The following KIDINS220 variants were observed in gnomAD, a reference collection of about 807,000 sequenced individuals.
KIDINS220 encodes kinase D interacting substrate 220.
Under a neutral mutation model 157.6 loss-of-function variants are expected in KIDINS220, and 63 were observed. The observed-to-expected ratio is 0.40, with a 90% CI of 0.33 to 0.49. KIDINS220 has a LOEUF of 0.49. Ranked by LOEUF, KIDINS220 falls within the 20% of genes least tolerant of loss-of-function variation. KIDINS220 has a pLI of 0.66. For missense variants in KIDINS220, 1,772 were observed against 2,171.2 expected (o/e 0.82, Z 3.65); for synonymous variants, 732 against 783.6 (o/e 0.93, Z 1.10).
rs1267724049 is a variant in KIDINS220 at position 8,827,129 on chromosome 2, C to T, written c.-36G>A. ...AGCTGCAATTAACTTTATTTGAATA[C>T]CTGTTAAATTAGACAAAATACACAT... On this transcript the variant is annotated splice_region_variant and 5_prime_UTR_variant, in exon 2 of 30. Coordinates refer to ENST00000256707, the MANE Select transcript of KIDINS220 (RefSeq NM_020738.4). 8.7e-7 allele frequency: 1 copy of T among 1,150,270 alleles called. No homozygotes were observed. The highest frequency in any genetic ancestry group is 1.3e-6 in the Non-Finnish European group (1 of 782,496). 71.3% of individuals were successfully genotyped at this position (1,150,270 alleles called of 1,614,324 possible).
intron 4 of KIDINS220, among the ~76,000 whole-genome samples, chr2:8,815,355 C>T (rs1271450828): frequency 2.0e-5 from 3 of 147,982 alleles, no homozygotes; most frequent in South Asian, 2.1e-4. Context: ...GAGCTGAGAT[C>T]GTGCCATTGC....
intron 2 of KIDINS220, among the ~76,000 whole-genome samples, chr2:8,823,120 G>A (rs1239608562): frequency 6.6e-6 from 1 of 151,940 alleles, no homozygotes; most frequent in Non-Finnish European, 1.5e-5. Flanking sequence ...GGTCTAAAAG[G>A]TGCCACACCT....
chr2:8,836,792 A>G (rs181788489), intron 1 of KIDINS220, among the ~76,000 whole-genome samples: 1 of 152,366 alleles, frequency 6.6e-6, no homozygotes, highest in East Asian at 1.9e-4. Flanking sequence ...TAAAACGCTA[A>G]GAAATCTACA....
intron 1 of KIDINS220, among the ~76,000 whole-genome samples, chr2:8,830,750 C>T (rs1056515975): frequency 6.6e-6 from 1 of 152,126 alleles, no homozygotes; most frequent in African/African-American, 2.4e-5. Flanking sequence ...CCAGAGAAAG[C>T]AGGCTATTCT....
At chr2:8,799,273 ATT>A (rs57115595) in intron 9 of KIDINS220, among the ~76,000 whole-genome samples, 56 of 146,666 alleles carry the variant, frequency 3.8e-4, no homozygotes, top group East Asian at 4.0e-4. Flanking sequence ...TTCCTTTTCT[ATT>A]TTTTTTTTTT....
chr2:8,765,761 A>C (rs547558314), intron 22 of KIDINS220, among the ~76,000 whole-genome samples: 2 of 152,212 alleles, frequency 1.3e-5, no homozygotes, highest in South Asian at 2.1e-4. Context: ...AGCTATTCAC[A>C]GGCACAGTCA....
intron 8 of KIDINS220, among the ~76,000 whole-genome samples, chr2:8,801,180 T>G (rs1674636992): frequency 6.6e-6 from 1 of 152,226 alleles, no homozygotes; most frequent in Admixed American, 6.5e-5. Context: ...ACAGCTATTT[T>G]GGAAATGGGC....
chr2:8,757,406 C>A, intron 22 of KIDINS220: 1 of 1,181,414 alleles, frequency 8.5e-7, no homozygotes, highest in Non-Finnish European at 1.1e-6. Flanking sequence ...CAGTAAATGC[C>A]AACAGTCTTA....
chr2:8,797,425 G>C (rs895266946), intron 10 of KIDINS220, among the ~76,000 whole-genome samples: 1 of 152,184 alleles, frequency 6.6e-6, no homozygotes, highest in Non-Finnish European at 1.5e-5. Context: ...CTGGTCAGAA[G>C]CCACAGGTAG....
chr2:8,783,410 C>T (rs1038611484), intron 17 of KIDINS220, among the ~76,000 whole-genome samples: 11 of 152,004 alleles, frequency 7.2e-5, no homozygotes, highest in African/African-American at 2.4e-4. Flanking sequence ...AGATCAGGAA[C>T]GAGGCAAGAT....
At position 8,796,858 on chromosome 2, in the gene KIDINS220, C is replaced by T. The variant is rs759297451; in HGVS notation, c.1011G>A (p.Thr337=). The T allele has an allele frequency of 8.7e-6, 14 of 1,613,726 alleles. No homozygotes were observed. The highest frequency in any genetic ancestry group is 1.6e-4 in the Middle Eastern group (1 of 6,084). Reference sequence around the variant, plus strand: ...TCATCTTGGTAGCCTTTATAAGTGGCGTTTCACCATCCTGTGGGCACAAAT... The same window carrying T: ...TCATCTTGGTAGCCTTTATAAGTGGTGTTTCACCATCCTGTGGGCACAAAT... The part of the protein sequence containing the change: ...DTEICTKDGE[T]PLIKATKMRN... The change falls in exon 11 of 30, where the codon ACG becomes ACA. Residue 337 remains threonine, a synonymous_variant. Coordinates refer to ENST00000256707, the MANE Select transcript of KIDINS220 (RefSeq NM_020738.4).
At position 8,736,846 on chromosome 2, in the gene KIDINS220, CGTGT is replaced by C; in HGVS notation, c.3717+18_3717+21del. 1.9e-6 allele frequency: 3 copies of C among 1,613,298 alleles called. No homozygotes were observed. Among genetic ancestry groups the C allele is most frequent in the Non-Finnish European group, 2.5e-6 (3 of 1,179,512 alleles). ...TCCGCCCCCAGCGCTGTCTCTGGTC[CGTGT>C]GTAAGTGGCTGCCTCACCTTTTTGA... On this transcript the variant is annotated intron_variant, in intron 27 of 29. Coordinates refer to ENST00000256707, the MANE Select transcript of KIDINS220 (RefSeq NM_020738.4).
chr2:8,749,279 T>A (rs1666989524), intron 24 of KIDINS220: 1 of 362,406 alleles, frequency 2.8e-6, no homozygotes, highest in Admixed American at 3.5e-5. Context: ...CACAGGCAGT[T>A]TAGGCACTAG....
At chr2:8,809,299 G>C (rs1254274724) in intron 6 of KIDINS220, among the ~76,000 whole-genome samples, 1 of 152,094 alleles carries the variant, frequency 6.6e-6, no homozygotes, top group African/African-American at 2.4e-5. Context: ...GGGATTACAG[G>C]CATGAGCCAC....
At chr2:8,721,260 G>A (rs1000180071), downstream of KIDINS220, 2 of 152,264 alleles carry the variant, frequency 1.3e-5, no homozygotes, top group African/African-American at 4.8e-5. Flanking sequence ...ATAGTGACAA[G>A]AGACATATGA....
chr2:8,731,932 G>A lies in KIDINS220; in HGVS notation c.4104C>T (p.Ser1368=). 3 of 1,608,586 alleles carry A rather than the reference G, an allele frequency of 1.9e-6. No individual in the cohort carries two copies. Among genetic ancestry groups the A allele is most frequent in the Non-Finnish European group, 2.5e-6 (3 of 1,177,322 alleles). The change falls in exon 30 of 30, where the codon TCC becomes TCT. Residue 1368 remains serine, a synonymous_variant. Coordinates refer to ENST00000256707, the MANE Select transcript of KIDINS220 (RefSeq NM_020738.4). The surrounding 1 kb of genome is among the most constrained non-coding windows in gnomAD (Gnocchi z 5.2). ...PSLSSLNSQD[S]SIEISKLTDK... The stretch of plus-strand genomic sequence containing the variant: ...CAGTAAGCTTTGAAATTTCAATACT[G>A]GAATCCTGGGAATTGAGACTCGAAA...
In KIDINS220 at chr2:8,750,238, G is replaced by T. The variant is rs1179271079; in HGVS notation, c.3288C>A (p.Ser1096Arg). 1.2e-6 allele frequency: 2 copies of T among 1,614,004 alleles called. No individual in the cohort carries two copies. The highest frequency in any genetic ancestry group is 1.3e-5 in the African/African-American group (1 of 74,922). ...TGGAAGAGCACACGGATGGGGGCTG[G>T]CTGTACCCTGATGGCGCCCTAGGAG... The part of the protein sequence containing the change: ...EGPPRAPSGY[S>R]QPPSVCSSTS... Residue 1096 changes from serine (S) to arginine (R), a missense_variant, in exon 24 of 30, where the codon AGC (serine) becomes AGA (arginine). Physicochemically the swap from Ser to Arg is moderately radical, Grantham distance 110 (BLOSUM62 -1). Around this residue, in one of 3 missense-constraint regions of KIDINS220, gnomAD observed 793 missense variants for 885.5 expected, o/e 0.90. Transcript: ENST00000256707.
chr2:8,806,386 T>C lies in KIDINS220; in HGVS notation c.505-17A>G. On this transcript the variant is annotated splice_polypyrimidine_tract_variant and intron_variant, in intron 6 of 29. Coordinates refer to ENST00000256707, the MANE Select transcript of KIDINS220 (RefSeq NM_020738.4). ...GGTTCCATACTATTAAAACAAACAA[T>C]AAATTTAAAATTATTATAAAAAGTA... The C allele has an allele frequency of 6.8e-7, 1 of 1,480,378 alleles. No homozygotes were observed. Among genetic ancestry groups the C allele is most frequent in the Admixed American group, 2.1e-5 (1 of 48,014 alleles). The allele number at this position is 1,480,378 out of a possible 1,614,324, so 91.7% of individuals were successfully genotyped here.
At chr2:8,725,011 T>C (rs1224884025), downstream of KIDINS220, 1 of 152,114 alleles carries the variant, frequency 6.6e-6, no homozygotes, top group Non-Finnish European at 1.5e-5. Context: ...TCTTTCCCAA[T>C]CTATTGCTCT....
Sources: gnomAD v4.1 joint callset for allele counts (sites outside exome capture counted in the v4.1 genomes callset) on GRCh38, gnomAD v4.1.1 for gene constraint, gnomAD v4.1.1 regional missense constraint, Gnocchi (gnomAD v3.1) non-coding constraint, MANE v1.5 for transcripts, NCBI Gene and HGNC (gene_info 2026-07-23, HGNC 2026-07-21) for gene names.